The following AK9 variants were observed in gnomAD, a reference collection of about 807,000 sequenced individuals.
AK9 encodes the protein adenylate kinase 9.
A neutral mutation model predicts 239.6 loss-of-function variants in AK9; 191 were observed. The observed-to-expected ratio is 0.80, with a 90% CI of 0.71 to 0.90. The LOEUF (loss-of-function observed/expected upper bound fraction) is 0.90. AK9 is among the 40% of genes least tolerant of loss of function. AK9 has a pLI of 0.00. For synonymous variants in AK9, 689 were observed against 721.0 expected (o/e 0.96, Z 0.71); for missense variants, 1,995 against 2,214.7 (o/e 0.90, Z 1.99).
At chr6:109,535,925 G>A (rs1278795147) in intron 27 of AK9, among the ~76,000 whole-genome samples, 1 of 152,076 alleles carries the variant, frequency 6.6e-6, no homozygotes, top group Non-Finnish European at 1.5e-5. Flanking sequence ...TAGATGTGTG[G>A]TATTACCTCT....
Position 109,493,962 on chromosome 6 carries a change from A to G in AK9, c.5533+19T>C. On this transcript the variant is annotated intron_variant, in intron 40 of 40. Transcript: ENST00000424296. Reference sequence around the variant, plus strand: ...ATGTTAAATTTGTTCTGAGTAGTAAATAATTAAAAAAGACATACCTTTGAG... The same window carrying G: ...ATGTTAAATTTGTTCTGAGTAGTAAGTAATTAAAAAAGACATACCTTTGAG... 6.5e-7 allele frequency: 1 copy of G among 1,538,758 alleles called. No individual in the cohort carries two copies. Among genetic ancestry groups the G allele is most frequent in the South Asian group, 1.2e-5 (1 of 86,926 alleles).
At position 109,503,574 on chromosome 6, in the gene AK9, C is replaced by A. The variant is rs550755196; in HGVS notation, c.4849+2753G>T. Among the ~76,000 whole-genome samples the A allele has an allele frequency of 2.7e-4, 41 of 152,182 alleles. No homozygotes were observed. In the South Asian group the frequency reaches 2.9e-3, roughly 11 times the overall value. On this transcript the variant is annotated intron_variant, in intron 35 of 40. Transcript: ENST00000424296. ...CAAAGGAAACAGAGCATGAAAAAAA[C>A]CAAAACTAAATTCAAACAATCAGGT...
intron 24 of AK9, among the ~76,000 whole-genome samples, chr6:109,561,030 T>G (rs1583010821): frequency 1.3e-5 from 2 of 151,518 alleles, no homozygotes; most frequent in Admixed American, 6.6e-5. Context: ...ATGATCTCAC[T>G]GCAACCTCCG....
chr6:109,497,717 A>G, intron 37 of AK9, 79 bp downstream of exon 37: 1 of 1,508,738 alleles, frequency 6.6e-7, no homozygotes, highest in Non-Finnish European at 9.0e-7. Flanking sequence ...ACTTTTGACC[A>G]ATATGTTAAG....
intron 38 of AK9, among the ~76,000 whole-genome samples, chr6:109,496,343 C>T (rs956845744): frequency 5.3e-5 from 8 of 152,222 alleles, no homozygotes; most frequent in South Asian, 2.1e-4. Flanking sequence ...TCAGGTCCCT[C>T]GCCTCCTGGC....
At chr6:109,629,711 CA>C (rs1309442836) in intron 12 of AK9, among the ~76,000 whole-genome samples, 2 of 151,840 alleles carry the variant, frequency 1.3e-5, no homozygotes, top group Non-Finnish European at 2.9e-5. Flanking sequence ...CGGCTCACTG[CA>C]AGCTCCGCCT....
At chr6:109,593,667 C>T (rs1050381333) in intron 17 of AK9, among the ~76,000 whole-genome samples, 2 of 152,112 alleles carry the variant, frequency 1.3e-5, no homozygotes, top group Admixed American at 1.3e-4. Context: ...TTATCCACCA[C>T]GATCAAGTCA....
chr6:109,664,109 T>C (rs1800830270), intron 5 of AK9, among the ~76,000 whole-genome samples: 1 of 152,246 alleles, frequency 6.6e-6, no homozygotes, highest in Non-Finnish European at 1.5e-5. Context: ...ATGCAATTTA[T>C]GTTAACAAGT....
intron 38 of AK9, 45 bp downstream of exon 38, chr6:109,497,420 T>G: frequency 1.7e-6 from 2 of 1,201,606 alleles, no homozygotes. Flanking sequence ...GCATGTTGCA[T>G]GCAACACAGA....
chr6:109,631,529 A>C (rs1258913221), intron 12 of AK9, among the ~76,000 whole-genome samples: 11 of 152,190 alleles, frequency 7.2e-5, no homozygotes, highest in Non-Finnish European at 1.2e-4. Flanking sequence ...GACCGACCAT[A>C]GTAAGAGTTG....
At chr6:109,664,829 T>G (rs1800954860) in intron 5 of AK9, among the ~76,000 whole-genome samples, 1 of 151,640 alleles carries the variant, frequency 6.6e-6, no homozygotes, top group African/African-American at 2.4e-5. Context: ...GGTCAGGCGT[T>G]CAAGACCAGC....
chr6:109,564,380 G>T, intron 22 of AK9, 100 bp from the exon 23 acceptor site: 1 of 824,126 alleles, frequency 1.2e-6, no homozygotes, highest in Non-Finnish European at 1.8e-6. Flanking sequence ...TTTTTAAACA[G>T]TTAAAAAAAT....
chr6:109,631,231 T>C (rs1796059340), intron 12 of AK9, among the ~76,000 whole-genome samples: 2 of 152,066 alleles, frequency 1.3e-5, no homozygotes, highest in Non-Finnish European at 2.9e-5. Context: ...TATTAAAAGA[T>C]GCCATTAGAA....
At chr6:109,593,717 A>G (rs1790604451) in intron 17 of AK9, among the ~76,000 whole-genome samples, 1 of 152,190 alleles carries the variant, frequency 6.6e-6, no homozygotes. Context: ...AACAAACACA[A>G]ATCAATAAAC....
At chr6:109,507,344 G>GAA (rs60973066) in intron 33 of AK9, among the ~76,000 whole-genome samples, 5 of 149,420 alleles carry the variant, frequency 3.3e-5, no homozygotes, top group Admixed American at 2.0e-4. Flanking sequence ...AGCCAATATG[G>GAA]AAAAAAAAAA....
At chr6:109,517,771 C>T (rs952659914) in intron 29 of AK9, among the ~76,000 whole-genome samples, 12 of 152,200 alleles carry the variant, frequency 7.9e-5, no homozygotes, top group Admixed American at 5.9e-4. Flanking sequence ...TATTAAAGAC[C>T]ATGACAGGAT....
At chr6:109,598,998 C>G (rs1791501950) in intron 17 of AK9, among the ~76,000 whole-genome samples, 1 of 152,206 alleles carries the variant, frequency 6.6e-6, no homozygotes, top group Admixed American at 6.5e-5. Context: ...GGGTAGATTG[C>G]AAAAATTTTC....
chr6:109,529,004 T>C lies in AK9; in HGVS notation c.3633+7A>G, dbSNP rs1188378171. On this transcript the variant is annotated splice_region_variant and intron_variant, in intron 29 of 40. Coordinates refer to ENST00000424296, the MANE Select transcript of AK9 (RefSeq NM_001145128.3). The stretch of plus-strand genomic sequence containing the variant: ...CCTGTTTTGAAAAAAAAAACAAAAC[T>C]ACTTACCTCCCTCCTTTTTTTATCT... The C allele has an allele frequency of 6.3e-7, 1 of 1,597,646 alleles. No homozygotes were observed. Among genetic ancestry groups the C allele is most frequent in the East Asian group, 2.2e-5 (1 of 44,474 alleles).
At chr6:109,570,531 T>G (rs758336142) in intron 21 of AK9, among the ~76,000 whole-genome samples, 1 of 152,130 alleles carries the variant, frequency 6.6e-6, no homozygotes, top group Non-Finnish European at 1.5e-5. Flanking sequence ...ATGTGATTCA[T>G]CCATGTAACC....
Sources: allele counts gnomAD v4.1 joint callset (sites outside exome capture counted in the v4.1 genomes callset), GRCh38; gene constraint gnomAD v4.1.1; transcripts MANE v1.5; gene names NCBI Gene and HGNC (gene_info 2026-07-23, HGNC 2026-07-21).